Variants in ABHD5 observed in about 807,000 individuals in gnomAD.
ABHD5 encodes 1-acylglycerol-3-phosphate O-acyltransferase ABHD5.
In ABHD5, 30 loss-of-function variants were observed where a neutral mutation model predicts 44.9. That is an observed-to-expected ratio of 0.67 (90% CI 0.50 to 0.91). The LOEUF (loss-of-function observed/expected upper bound fraction) is 0.91. Ranked by LOEUF, ABHD5 falls within the 40% of genes least tolerant of loss-of-function variation. The pLI, the probability that ABHD5 is intolerant of heterozygous loss-of-function variation, is 0.00. For missense variants in ABHD5, 399 were observed against 423.4 expected (o/e 0.94, Z 0.50); for synonymous variants, 167 against 147.0 (o/e 1.14, Z -0.99).
At chr3:43,729,240 G>A (rs1242356717) in intron 7 of ABHD5, among the ~76,000 whole-genome samples, 1 of 152,200 alleles carries the variant, frequency 6.6e-6, no homozygotes, top group African/African-American at 2.4e-5. Flanking sequence ...TGTGTGAGAA[G>A]TGGAAAGAAG....
chr3:43,730,175 C>T (rs966860559), intron 7 of ABHD5, among the ~76,000 whole-genome samples: 13 of 152,302 alleles, frequency 8.5e-5, no homozygotes, highest in East Asian at 1.9e-4. Context: ...GAGGAGGAAC[C>T]GAAGGCTCAG....
intron 7 of ABHD5, among the ~76,000 whole-genome samples, chr3:43,730,930 G>A (rs1559424532): frequency 6.6e-6 from 1 of 152,130 alleles, no homozygotes; most frequent in Non-Finnish European, 1.5e-5. Context: ...CTGGGTTCAA[G>A]CAATTCTCCT....
intron 4 of ABHD5, among the ~76,000 whole-genome samples, chr3:43,714,063 G>C (rs1220591083): frequency 6.6e-6 from 1 of 151,750 alleles, no homozygotes; most frequent in Non-Finnish European, 1.5e-5. Context: ...GAAAGCTTCT[G>C]CTCTTCATCC....
intron 7 of ABHD5, among the ~76,000 whole-genome samples, chr3:43,731,517 G>A (rs1032993903): frequency 3.9e-5 from 6 of 152,264 alleles, no homozygotes; most frequent in East Asian, 3.9e-4. Flanking sequence ...TAATAAAAGC[G>A]TGGGGCTGCT....
rs564503902 is a variant in ABHD5 at position 43,711,870 on chromosome 3, G to A, written c.661+7G>A. The stretch of plus-strand genomic sequence containing the variant: ...AGGATTGCAGGACCCTTTGGTGAGT[G>A]CTTATGTTCTAGGAAAGCAAAATGT... On this transcript the variant is annotated splice_region_variant and intron_variant, in intron 4 of 6. Transcript: ENST00000644371. 5.6e-6 allele frequency: 9 copies of A among 1,614,096 alleles called. No individual in the cohort carries two copies. The South Asian group carries it at 8.8e-5, about 16-fold the overall frequency.
chr3:43,719,141 G>C lies in ABHD5; in HGVS notation c.*609G>C, dbSNP rs2084804813. 1 of 156,002 alleles carries C rather than the reference G, an allele frequency of 6.4e-6. No individual in the cohort carries two copies. The allele number at this position is 156,002 out of a possible 1,614,324, so 9.7% of individuals were successfully genotyped here. On this transcript the variant is annotated 3_prime_UTR_variant, in exon 7 of 7. Transcript: ENST00000644371. ...AGTTTACCTGTTTTTTATATTTAAG[G>C]CTGCTAAGCCATGTTCAGCATTTTA...
chr3:43,713,730 G>C (rs1238463547), intron 4 of ABHD5, among the ~76,000 whole-genome samples: 1 of 152,106 alleles, frequency 6.6e-6, no homozygotes, highest in Admixed American at 6.5e-5. Context: ...GATTTTACTA[G>C]AACACAGGTA....
chr3:43,707,119 T>C (rs950895666), intron 3 of ABHD5, among the ~76,000 whole-genome samples: 1 of 152,234 alleles, frequency 6.6e-6, no homozygotes, highest in Non-Finnish European at 1.5e-5. Context: ...GTTTTTTCTT[T>C]TAATTTTCCT....
In ABHD5 at chr3:43,718,602, A is replaced by T; in HGVS notation, c.*70A>T. The T allele has an allele frequency of 6.9e-7, 1 of 1,450,396 alleles. No individual in the cohort carries two copies. Among genetic ancestry groups the T allele is most frequent in the Non-Finnish European group, 9.7e-7 (1 of 1,031,162 alleles). The allele number at this position is 1,450,396 out of a possible 1,614,324, so 89.8% of individuals were successfully genotyped here. ...GTTCAGCAATAATTCATAGTCTGTG[A>T]TGAAGAGTAGTGAATACAACACACA... On this transcript the variant is annotated 3_prime_UTR_variant, in exon 7 of 7. Coordinates refer to ENST00000644371, the MANE Select transcript of ABHD5 (RefSeq NM_016006.6).
In ABHD5 at chr3:43,717,829, T is replaced by C; in HGVS notation, c.932T>C (p.Leu311Ser). The change falls in exon 6 of 7, where the codon TTA becomes TCA. Residue 311 changes from leucine to serine, a missense_variant. Leu to Ser is a moderately radical substitution (Grantham distance 145, BLOSUM62 -2). Transcript: ENST00000644371. The part of the protein sequence containing the change: ...DGNSGTSIQS[L>S]RPHSYVKTIA... Reference sequence around the variant, plus strand: ...AATTCTGGCACCAGCATCCAGTCCTTACGACCACATTCATATGTGAAGACA... The same window carrying C: ...AATTCTGGCACCAGCATCCAGTCCTCACGACCACATTCATATGTGAAGACA... 2 of 1,614,228 alleles carry C rather than the reference T, an allele frequency of 1.2e-6. No individual in the cohort carries two copies. The highest frequency in any genetic ancestry group is 1.7e-6 in the Non-Finnish European group (2 of 1,180,034).
At chr3:43,714,157 C>T (rs541029847) in intron 4 of ABHD5, among the ~76,000 whole-genome samples, 8 of 138,012 alleles carry the variant, frequency 5.8e-5, no homozygotes, top group Non-Finnish European at 7.6e-5. Context: ...TTTTTTGAGA[C>T]GGAGTCTCGC....
downstream of ABHD5, among the ~76,000 whole-genome samples, chr3:43,723,531 C>T (rs185640163): frequency 1.3e-5 from 2 of 152,336 alleles, no homozygotes; most frequent in Admixed American, 6.5e-5. Flanking sequence ...ATGAGACATG[C>T]TTCTGTTGTG....
In ABHD5 at chr3:43,702,203, T is replaced by C. The variant is rs767783380; in HGVS notation, c.134-12T>C. The C allele has an allele frequency of 1.3e-6, 2 of 1,572,712 alleles. No homozygotes were observed. Among genetic ancestry groups the C allele is most frequent in the South Asian group, 2.3e-5 (2 of 85,372 alleles). ...AAAATGAAACAGAATTTCTCTTTTA[T>C]GTTTTCATTAGGTGTGCCTTGCACA... On this transcript the variant is annotated splice_polypyrimidine_tract_variant and intron_variant, in intron 2 of 6. Transcript: ENST00000644371.
At chr3:43,699,215 C>T in intron 1 of ABHD5, 61 bp from the exon 2 acceptor site, 1 of 1,391,788 alleles carries the variant, frequency 7.2e-7, no homozygotes, top group South Asian at 1.2e-5. Flanking sequence ...GTGCATGTGA[C>T]AATTGGTAGT....
rs564270145 is a variant in ABHD5, at chr3:43,727,730, T to C, written c.*30-6150T>C. Among the ~76,000 whole-genome samples, 403 of 152,286 alleles carry C rather than the reference T, an allele frequency of 2.6e-3. 2 individuals are homozygous for C. The highest frequency in any genetic ancestry group is 9.3e-3 in the African/African-American group (385 of 41,568). ...TTCAAGCAGTTCTCCTGCTTCCGCC[T>C]CCCTAGTAGCTGGGGCTATAGGCAT... On this transcript the variant is annotated intron_variant, in intron 7 of 7. Coordinates refer to the ABHD5 transcript ENST00000454293.
intron 3 of ABHD5, among the ~76,000 whole-genome samples, chr3:43,703,932 G>A (rs2084580563): frequency 6.6e-6 from 1 of 151,778 alleles, no homozygotes; most frequent in South Asian, 2.1e-4. Context: ...TCCTATATGT[G>A]CTAGACAATA....
At chr3:43,692,927 G>A (rs1010559363) in intron 1 of ABHD5, among the ~76,000 whole-genome samples, 1 of 152,206 alleles carries the variant, frequency 6.6e-6, no homozygotes, top group Admixed American at 6.5e-5. Context: ...ACAAAGGAAA[G>A]TTATAAAATG....
At chr3:43,714,136 T>C (rs1210786945) in intron 4 of ABHD5, among the ~76,000 whole-genome samples, 2 of 147,564 alleles carry the variant, frequency 1.4e-5, no homozygotes, top group African/African-American at 5.2e-5. Flanking sequence ...TTTCTTTTTT[T>C]CTTTTTTTTT....
At chr3:43,709,061 A>G (rs1436362777) in intron 3 of ABHD5, among the ~76,000 whole-genome samples, 1 of 152,266 alleles carries the variant, frequency 6.6e-6, no homozygotes, top group Non-Finnish European at 1.5e-5. Context: ...AGAAAAATCC[A>G]GCTGGATATG....
Sources: gnomAD v4.1 joint callset for allele counts (sites outside exome capture counted in the v4.1 genomes callset) on GRCh38, gnomAD v4.1.1 for gene constraint, MANE v1.5 for transcripts, NCBI Gene and HGNC (gene_info 2026-07-23, HGNC 2026-07-21) for gene names.